Variants in SIRT4 observed in about 807,000 individuals in gnomAD.
SIRT4 encodes sirtuin 4, also known as NAD-dependent protein lipoamidase sirtuin-4, mitochondrial.
Under a neutral mutation model 26.1 loss-of-function variants are expected in SIRT4, and 23 were observed. The observed-to-expected ratio is 0.88, with a 90% confidence interval of 0.63 to 1.25. The LOEUF (loss-of-function observed/expected upper bound fraction) is 1.25, where lower values mean the gene tolerates loss of function less well. Ranked by LOEUF, SIRT4 falls within the 50% of genes most tolerant of loss-of-function variation. SIRT4 has a pLI of 0.00. For missense variants in SIRT4, 361 were observed against 405.4 expected (o/e 0.89, Z 0.94); for synonymous variants, 155 against 158.4 (o/e 0.98, Z 0.16).
chr12:120,310,659 C>T (rs1017528681), intron 2 of SIRT4, among the ~76,000 whole-genome samples: 6 of 151,830 alleles, frequency 4.0e-5, no homozygotes. Flanking sequence ...TTGCTTGAGC[C>T]TAGGAGTTCG....
Position 120,303,767 on chromosome 12 carries a change from CG to C in SIRT4, c.210del (p.Ile71TyrfsTer41). The C allele has an allele frequency of 1.2e-6, 2 of 1,614,108 alleles. No individual in the cohort carries two copies. Among genetic ancestry groups the C allele is most frequent in the Non-Finnish European group, 1.7e-6 (2 of 1,180,020 alleles). ...ACTGGGGCAGGAATCTCCACCGAAT[CG>C]GGGATACCAGACTACAGGTCAGAAA... is the stretch of plus-strand genomic sequence containing the variant. ...VMTGAGISTE[S>X]GIPDYRSEKV... On this transcript the variant is annotated frameshift_variant, in exon 2 of 4. Transcript: ENST00000202967. LOFTEE classifies it high-confidence loss of function.
rs776255305 is a variant in SIRT4, at chr12:120,308,941, G to A, written c.498-3515G>A. 4.4e-4 allele frequency among the ~76,000 whole-genome samples: 67 copies of A among 151,934 alleles called. 1 individual carries two copies. Among genetic ancestry groups the A allele is most frequent in the Admixed American group, 2.0e-3 (30 of 15,224 alleles). On this transcript the variant is annotated intron_variant, in intron 2 of 3. Coordinates refer to ENST00000202967, the MANE Select transcript of SIRT4 (RefSeq NM_012240.3). Reference sequence around the variant, plus strand: ...TCTCAGCACTTTGGGATGCCGAAGCGGGTGGATAACCTGAGGTCGGGAGTC... The same window carrying A: ...TCTCAGCACTTTGGGATGCCGAAGCAGGTGGATAACCTGAGGTCGGGAGTC...
the SIRT4 span, among the ~76,000 whole-genome samples, chr12:120,294,828 CTTTT>C: frequency 2.9e-5 from 4 of 137,476 alleles, no homozygotes; most frequent in Non-Finnish European, 3.2e-5. Context: ...ACTGTTTATC[CTTTT>C]TTTTTTTTTT....
chr12:120,307,144 G>C (rs1009527342), intron 2 of SIRT4, among the ~76,000 whole-genome samples: 2 of 152,104 alleles, frequency 1.3e-5, no homozygotes, highest in African/African-American at 2.4e-5. Flanking sequence ...GTGTACATAC[G>C]TTACACTATG....
chr12:120,309,424 T>C (rs1337211204), intron 2 of SIRT4, among the ~76,000 whole-genome samples: 3 of 150,088 alleles, frequency 2.0e-5, no homozygotes, highest in African/African-American at 7.3e-5. Context: ...TTTTTTTTTT[T>C]TTTTTGAGAC....
chr12:120,303,734 T>A lies in SIRT4; in HGVS notation c.173T>A (p.Leu58His). The A allele has an allele frequency of 1.2e-6, 2 of 1,614,114 alleles. No homozygotes were observed. The highest frequency in any genetic ancestry group is 1.7e-6 in the Non-Finnish European group (2 of 1,180,022). Reference protein sequence around the residue: ...QRFITLSKRLLVMTGAGISTE... With the variant: ...QRFITLSKRLHVMTGAGISTE... ...TTCATCACCCTTTCCAAGAGACTCC[T>A]TGTGATGACTGGGGCAGGAATCTCC... The change falls in exon 2 of 4, where the codon CTT becomes CAT. Residue 58 changes from leucine (L) to histidine (H), a missense_variant. Coordinates refer to ENST00000202967, the MANE Select transcript of SIRT4 (RefSeq NM_012240.3).
chr12:120,310,107 C>T (rs1872901120), intron 2 of SIRT4, among the ~76,000 whole-genome samples: 1 of 151,962 alleles, frequency 6.6e-6, no homozygotes, highest in South Asian at 2.1e-4. Flanking sequence ...ACCTAGAACT[C>T]CTGGGTAATT....
chr12:120,305,900 T>C (rs1475206373), intron 2 of SIRT4, among the ~76,000 whole-genome samples: 1 of 148,982 alleles, frequency 6.7e-6, no homozygotes, highest in African/African-American at 2.5e-5. Context: ...TAGTCCCAGC[T>C]ACTCGGGAGG....
chr12:120,312,423 A>AT, intron 2 of SIRT4, 33 bp from the exon 3 acceptor site: 1 of 1,574,522 alleles, frequency 6.4e-7, no homozygotes, highest in Middle Eastern at 1.9e-4. Flanking sequence ...TCCCAAGGGC[A>AT]TACTGTTCAG....
At chr12:120,303,059 G>A (rs567733869) in intron 1 of SIRT4, among the ~76,000 whole-genome samples, 14 of 152,100 alleles carry the variant, frequency 9.2e-5, no homozygotes, top group African/African-American at 3.4e-4. Flanking sequence ...ACGGGCAGGG[G>A]TCTTGTCTCT....
At position 120,302,942 on chromosome 12, in the gene SIRT4, C is replaced by G. The variant is rs143770929; in HGVS notation, c.-2+564C>G. ...TTCACCATGTTGGCCAGGCATGTCT[C>G]GAACTCCTGATCTCAAGTGATCTGC... On this transcript the variant is annotated intron_variant, in intron 1 of 3. Transcript: ENST00000202967. Among the ~76,000 whole-genome samples the G allele has an allele frequency of 3.1e-3, 461 of 150,736 alleles. 3 individuals carry two copies. The highest frequency in any genetic ancestry group is 0.011 in the African/African-American group (437 of 41,140).
chr12:120,302,042 A>G (rs1391855814), upstream of SIRT4, among the ~76,000 whole-genome samples: 2 of 151,858 alleles, frequency 1.3e-5, no homozygotes, highest in African/African-American at 4.8e-5. Flanking sequence ...TCAAAAAAAA[A>G]AAACAACAAC....
chr12:120,307,389 T>C (rs1222969770), intron 2 of SIRT4, among the ~76,000 whole-genome samples: 2 of 151,998 alleles, frequency 1.3e-5, no homozygotes, highest in East Asian at 3.9e-4. Flanking sequence ...CTCGGGAGGC[T>C]GAGGCAGGAG....
At chr12:120,303,165 A>G (rs1872607819) in intron 1 of SIRT4, among the ~76,000 whole-genome samples, 2 of 151,992 alleles carry the variant, frequency 1.3e-5, no homozygotes, top group Non-Finnish European at 2.9e-5. Context: ...GCTTAATTAC[A>G]TGAACAAAAT....
Position 120,303,732 on chromosome 12 carries a change from C to G in SIRT4, c.171C>G (p.Leu57=), listed in dbSNP as rs1436406769. The G allele has an allele frequency of 1.2e-6, 2 of 1,614,148 alleles. No individual in the cohort carries two copies. Among genetic ancestry groups the G allele is most frequent in the East Asian group, 2.2e-5 (1 of 44,886 alleles). The change falls in exon 2 of 4, where the codon CTC becomes CTG. Residue 57 remains leucine (L), a synonymous_variant. Transcript: ENST00000202967. The part of the protein sequence containing the change: ...LQRFITLSKR[L]LVMTGAGIST... ...GCTTCATCACCCTTTCCAAGAGACTCCTTGTGATGACTGGGGCAGGAATCT... is the reference window on the plus strand; with the variant it reads ...GCTTCATCACCCTTTCCAAGAGACTGCTTGTGATGACTGGGGCAGGAATCT...
chr12:120,293,246 A>AC, the SIRT4 span: 1 of 152,154 alleles, frequency 6.6e-6, no homozygotes, highest in African/African-American at 2.4e-5. Context: ...CTAATTTGTT[A>AC]CGCCCCCTGC....
chr12:120,308,943 G>A (rs761399058), intron 2 of SIRT4, among the ~76,000 whole-genome samples: 42 of 152,114 alleles, frequency 2.8e-4, no homozygotes, highest in Non-Finnish European at 5.1e-4. Flanking sequence ...GCCGAAGCGG[G>A]TGGATAACCT....
the SIRT4 span, chr12:120,293,256 CT>C: frequency 2.6e-5 from 4 of 152,208 alleles, no homozygotes; most frequent in Non-Finnish European, 4.4e-5. Flanking sequence ...ACGCCCCCTG[CT>C]CATCACTCCC....
At chr12:120,293,664 C>T in the SIRT4 span, among the ~76,000 whole-genome samples, 1 of 152,116 alleles carries the variant, frequency 6.6e-6, no homozygotes, top group Admixed American at 6.6e-5. Flanking sequence ...TGTAAATTCA[C>T]TGGCATAGAA....
Sources: gnomAD v4.1 joint callset for allele counts (sites outside exome capture counted in the v4.1 genomes callset) on GRCh38, gnomAD v4.1.1 for gene constraint, MANE v1.5 for transcripts, NCBI Gene and HGNC (gene_info 2026-07-23, HGNC 2026-07-21) for gene names.